Variants in SPRYD7 observed in about 807,000 individuals in gnomAD.
SPRYD7 encodes the protein SPRY domain-containing protein 7.
SPRYD7 carries 14 observed loss-of-function variants against 23.8 expected under a neutral mutation model. The observed-to-expected ratio is 0.59, with a 90% CI of 0.39 to 0.92. The LOEUF (loss-of-function observed/expected upper bound fraction) is 0.92, where lower values mean the gene tolerates loss of function less well. Among genes scored for constraint, SPRYD7 ranks in the 40% least tolerant of loss-of-function variants. The pLI is 0.00. For missense variants in SPRYD7, 194 were observed against 241.7 expected, an observed-to-expected ratio of 0.80 and a Z score of 1.31; for synonymous variants, 75 against 84.9, an observed-to-expected ratio of 0.88 and a Z score of 0.64.
At chr13:49,925,817 A>T (rs1955876788) in intron 3 of SPRYD7, among the ~76,000 whole-genome samples, 1 of 137,872 alleles carries the variant, frequency 7.3e-6, no homozygotes, top group Non-Finnish European at 1.6e-5. Flanking sequence ...ATCTGAAAAC[A>T]AAAAAAAAAA....
chr13:49,931,368 AT>A (rs1955946853), intron 1 of SPRYD7, among the ~76,000 whole-genome samples: 1 of 152,060 alleles, frequency 6.6e-6, no homozygotes, highest in African/African-American at 2.4e-5. Context: ...TTTAGTAGAG[AT>A]GGGGGTTTCA....
intron 1 of SPRYD7, chr13:49,935,756 G>A (rs1739263803): frequency 6.1e-6 from 1 of 163,012 alleles, no homozygotes. Flanking sequence ...GGCAGGAGGA[G>A]GAGCAAGACC....
At chr13:49,915,260 C>CA (rs2138207998) in intron 4 of SPRYD7, 100 bp from the exon 5 acceptor site, 1 of 479,214 alleles carries the variant, frequency 2.1e-6, no homozygotes, top group East Asian at 3.5e-5. Flanking sequence ...CATAATACTA[C>CA]AATATTAATA....
chr13:49,927,988 G>A lies in SPRYD7; in HGVS notation c.321C>T (p.Ala107=), dbSNP rs1955901674. The A allele has an allele frequency of 6.2e-7, 1 of 1,614,034 alleles. No individual in the cohort carries two copies. The highest frequency in any genetic ancestry group is 8.5e-7 in the Non-Finnish European group (1 of 1,180,034). The part of the protein sequence containing the change: ...MHSLVMRNDG[A]LYHNNEEKNR... ...TTTTCTCTTCATTGTTGTGGTAAAG[G>A]GCTCCATCATTTCTCATCACCAGAC... The change falls in exon 3 of 5, where the codon GCC becomes GCT. Residue 107 remains alanine (A), a synonymous_variant. Coordinates refer to ENST00000361840, the MANE Select transcript of SPRYD7 (RefSeq NM_020456.4).
intron 3 of SPRYD7, among the ~76,000 whole-genome samples, chr13:49,923,984 C>CTT (rs1288975552): frequency 7.4e-6 from 1 of 135,376 alleles, no homozygotes; most frequent in Non-Finnish European, 1.6e-5. Context: ...GAGACAAGGT[C>CTT]TTTTTTTTTT....
At chr13:49,936,034 C>G in intron 1 of SPRYD7, 96 bp downstream of exon 1, 12 of 619,368 alleles carry the variant, frequency 1.9e-5, no homozygotes, top group East Asian at 1.3e-4. Context: ...GCCGGCGCGG[C>G]GGGGCAGCGT....
chr13:49,931,203 G>A (rs779682328), intron 1 of SPRYD7, 69 bp from the exon 2 acceptor site: 29 of 1,043,800 alleles, frequency 2.8e-5, no homozygotes, highest in East Asian at 8.1e-5. Context: ...TTTTTGAGAC[G>A]GAGTCTTGCT....
chr13:49,927,773 G>T, intron 3 of SPRYD7, 146 bp downstream of exon 3: 1 of 767,338 alleles, frequency 1.3e-6, no homozygotes, highest in Non-Finnish European at 2.1e-6. Context: ...TACACCAAGT[G>T]CTCTCCTGGA....
chr13:49,936,331 AC>A lies in SPRYD7; in HGVS notation c.-97del, dbSNP rs1871634733. 3 of 858,148 alleles carry A rather than the reference AC, an allele frequency of 3.5e-6. No homozygotes were observed. The East Asian group carries it at 9.2e-5, about 26-fold the overall frequency. 53.2% of individuals were successfully genotyped at this position (858,148 alleles called of 1,614,324 possible). ...TCTCCTGCCCCCGCCCGAGGTCCGG[AC>A]TTGTCTATGTGGAGCTCGGAGGCCG... is the stretch of plus-strand genomic sequence containing the variant. On this transcript the variant is annotated 5_prime_UTR_variant, in exon 1 of 5. Coordinates refer to ENST00000361840, the MANE Select transcript of SPRYD7 (RefSeq NM_020456.4).
chr13:49,924,022 G>A (rs1594513170), intron 3 of SPRYD7, among the ~76,000 whole-genome samples: 4 of 148,208 alleles, frequency 2.7e-5, no homozygotes, highest in Non-Finnish European at 3.0e-5. Flanking sequence ...CGTTCTTGTC[G>A]CCTAGGCTGG....
Position 49,913,931 on chromosome 13 carries a change from G to C in SPRYD7, c.*1132C>G, listed in dbSNP as rs896304355. Reference sequence around the variant, plus strand: ...TTTATAAATGGGAATCTGAGACTTGGAGAGGAGAAAATAGGATGAGCAGCA... The same window carrying C: ...TTTATAAATGGGAATCTGAGACTTGCAGAGGAGAAAATAGGATGAGCAGCA... On this transcript the variant is annotated 3_prime_UTR_variant, in exon 5 of 5. Coordinates refer to ENST00000361840, the MANE Select transcript of SPRYD7 (RefSeq NM_020456.4). 1.3e-5 allele frequency: 2 copies of C among 152,282 alleles called. No individual in the cohort carries two copies. Among genetic ancestry groups the C allele is most frequent in the Admixed American group, 1.3e-4 (2 of 15,280 alleles). 9.4% of individuals were successfully genotyped at this position (152,282 alleles called of 1,614,324 possible).
chr13:49,936,232 C>A lies in SPRYD7; in HGVS notation c.4G>T (p.Ala2Ser). Reference protein sequence around the residue: MATSVLCCLRCC... With the variant: MSTSVLCCLRCC... ...CGCAGGCAGCACAACACCGAGGTGG[C>A]CATCGCGCAGGGACCACCGACTCCG... Residue 2 changes from alanine (A) to serine (S), a missense_variant, in exon 1 of 5, where the codon GCC (alanine) becomes TCC (serine). Physicochemically the swap from Ala to Ser is moderately conservative, Grantham distance 99. Transcript: ENST00000361840. The A allele has an allele frequency of 1.9e-6, 3 of 1,600,858 alleles. No homozygotes were observed. The highest frequency in any genetic ancestry group is 1.4e-5 in the African/African-American group (1 of 74,028).
Position 49,915,254 on chromosome 13 carries a change from A to C in SPRYD7, c.494-94T>G, listed in dbSNP as rs1955740124. 1.0e-5 allele frequency: 5 copies of C among 497,138 alleles called. No homozygotes were observed. In the South Asian group the frequency reaches 2.0e-4, roughly 20 times the overall value. The allele number at this position is 497,138 out of a possible 1,614,324, so 30.8% of individuals were successfully genotyped here. A position where few individuals can be genotyped will look rare whatever the true frequency, so the allele number is the denominator to read the frequency against. On this transcript the variant is annotated intron_variant, in intron 4 of 4. Coordinates refer to ENST00000361840, the MANE Select transcript of SPRYD7 (RefSeq NM_020456.4). The stretch of plus-strand genomic sequence containing the variant: ...TAAAATAAAATAAACTGTCTCCATA[A>C]TACTACAATATTAATAGGTAAGAAG...
At chr13:49,923,533 C>T (rs1295193781) in intron 3 of SPRYD7, among the ~76,000 whole-genome samples, 3 of 152,190 alleles carry the variant, frequency 2.0e-5, no homozygotes, top group Non-Finnish European at 4.4e-5. Context: ...CGTTGGCCAC[C>T]GCGCCCAGCC....
intron 4 of SPRYD7, among the ~76,000 whole-genome samples, chr13:49,920,004 G>A (rs1049242078): frequency 6.6e-6 from 1 of 151,974 alleles, no homozygotes; most frequent in Non-Finnish European, 1.5e-5. Flanking sequence ...TGGCTGATGG[G>A]TATATGAGGG....
intron 3 of SPRYD7, among the ~76,000 whole-genome samples, chr13:49,927,463 T>C (rs943828552): frequency 6.7e-6 from 1 of 148,746 alleles, no homozygotes; most frequent in African/African-American, 2.5e-5. Flanking sequence ...GCCACTGCAC[T>C]ACAGCCTAGG....
chr13:49,933,857 C>G (rs1408022008), intron 1 of SPRYD7, among the ~76,000 whole-genome samples: 1 of 152,014 alleles, frequency 6.6e-6, no homozygotes, highest in Non-Finnish European at 1.5e-5. Context: ...AAGTAGCTGC[C>G]TTGGAAGTCA....
At position 49,927,971 on chromosome 13, in the gene SPRYD7, T is replaced by C; in HGVS notation, c.338A>G (p.Glu113Gly). 1 of 1,614,208 alleles carries C rather than the reference T, an allele frequency of 6.2e-7. No homozygotes were observed. Among genetic ancestry groups the C allele is most frequent in the Non-Finnish European group, 8.5e-7 (1 of 1,180,032 alleles). The change falls in exon 3 of 5, where the codon GAA becomes GGA. Residue 113 changes from glutamate (E) to glycine (G), a missense_variant. Coordinates refer to ENST00000361840, the MANE Select transcript of SPRYD7 (RefSeq NM_020456.4). ...RNDGALYHNN[E>G]EKNRLPANSL... Reference sequence around the variant, plus strand: ...GTTTGCTGGCAGCCTATTTTTCTCTTCATTGTTGTGGTAAAGGGCTCCATC... The same window carrying C: ...GTTTGCTGGCAGCCTATTTTTCTCTCCATTGTTGTGGTAAAGGGCTCCATC...
At chr13:49,934,555 C>CAAAAAAAAAAA (rs889803067) in intron 1 of SPRYD7, among the ~76,000 whole-genome samples, 50 of 54,010 alleles carry the variant, frequency 9.3e-4, no homozygotes, top group East Asian at 1.9e-3. Flanking sequence ...AACTCCGTCT[C>CAAAAAAAAAAA]AAAAAAAAAA....
Sources: allele counts gnomAD v4.1 joint callset (sites outside exome capture counted in the v4.1 genomes callset), GRCh38; gene constraint gnomAD v4.1.1; transcripts MANE v1.5; gene names NCBI Gene and HGNC (gene_info 2026-07-23, HGNC 2026-07-21).